Variants in AOAH observed in about 807,000 individuals in gnomAD.
AOAH encodes acyloxyacyl hydrolase (neutrophil).
AOAH carries 64 observed loss-of-function variants against 92.2 expected under a neutral mutation model. The ratio of observed to expected loss-of-function variants is 0.69; its 90% CI spans 0.57 to 0.86. The LOEUF (loss-of-function observed/expected upper bound fraction) is 0.86. Among genes scored for constraint, AOAH ranks in the 40% least tolerant of loss-of-function variants. AOAH has a pLI of 0.00. For synonymous variants in AOAH, 263 were observed against 254.5 expected (o/e 1.03, Z -0.32); for missense variants, 656 against 694.6 (o/e 0.94, Z 0.62).
At chr7:36,532,011 C>T (rs1784723088) in intron 18 of AOAH, 136 bp downstream of exon 18, 2 of 1,034,638 alleles carry the variant, frequency 1.9e-6, no homozygotes, top group African/African-American at 3.2e-5. Flanking sequence ...CCTCAAGCAC[C>T]TGGAAGGTTT....
chr7:36,669,374 C>A (rs571418724), intron 3 of AOAH, among the ~76,000 whole-genome samples: 5 of 142,340 alleles, frequency 3.5e-5, no homozygotes, highest in East Asian at 2.2e-4. Context: ...ATTCCCCCCC[C>A]ACCTTTTTTT....
intron 11 of AOAH, among the ~76,000 whole-genome samples, chr7:36,602,408 T>C (rs1790678324): frequency 6.6e-6 from 1 of 152,074 alleles, no homozygotes; most frequent in Non-Finnish European, 1.5e-5. Flanking sequence ...CATTGTACAG[T>C]TAAACTCTTT....
chr7:36,555,894 G>A (rs1157546948), intron 13 of AOAH, among the ~76,000 whole-genome samples: 1 of 151,888 alleles, frequency 6.6e-6, no homozygotes, highest in African/African-American at 2.4e-5. Context: ...TATTAGTCTT[G>A]CTAGCGGTCT....
chr7:36,669,571 T>C (rs1168790592), intron 3 of AOAH, among the ~76,000 whole-genome samples: 2 of 151,870 alleles, frequency 1.3e-5, no homozygotes, highest in East Asian at 1.9e-4. Context: ...TTAGTAAAGA[T>C]GGGGTTTCAC....
intron 9 of AOAH, among the ~76,000 whole-genome samples, chr7:36,619,506 C>T (rs982880193): frequency 6.6e-6 from 1 of 152,166 alleles, no homozygotes; most frequent in Non-Finnish European, 1.5e-5. Flanking sequence ...CTCCTTTGTC[C>T]TCCAACATGA....
chr7:36,717,835 G>A (rs1199878401), intron 1 of AOAH, among the ~76,000 whole-genome samples: 2 of 148,908 alleles, frequency 1.3e-5, no homozygotes, highest in African/African-American at 4.9e-5. Context: ...TGGTGTCTGG[G>A]AAATAAGACA....
intron 4 of AOAH, among the ~76,000 whole-genome samples, chr7:36,644,540 A>G (rs2116382370): frequency 6.6e-6 from 1 of 152,338 alleles, no homozygotes; most frequent in East Asian, 1.9e-4. Flanking sequence ...CGAAGACCGT[A>G]GCGAACAGAG....
intron 15 of AOAH, among the ~76,000 whole-genome samples, chr7:36,544,655 A>C (rs964894254): frequency 3.3e-5 from 5 of 152,178 alleles, no homozygotes; most frequent in African/African-American, 1.2e-4. Flanking sequence ...GCTCTCACAC[A>C]TGTCAGAAAC....
At chr7:36,520,063 A>C (rs1277484273) in intron 20 of AOAH, among the ~76,000 whole-genome samples, 1 of 152,236 alleles carries the variant, frequency 6.6e-6, no homozygotes, top group Non-Finnish European at 1.5e-5. Flanking sequence ...CAGCATGTGA[A>C]CAAGTCTTGC....
At chr7:36,660,371 A>G (rs1795145751) in intron 3 of AOAH, among the ~76,000 whole-genome samples, 2 of 152,158 alleles carry the variant, frequency 1.3e-5, no homozygotes, top group African/African-American at 2.4e-5. Context: ...GCTGGAGTGC[A>G]GTGGAATAAT....
intron 20 of AOAH, among the ~76,000 whole-genome samples, chr7:36,520,845 G>T (rs1784072105): frequency 1.3e-5 from 2 of 152,226 alleles, no homozygotes; most frequent in South Asian, 4.2e-4. Context: ...TCATCCAACT[G>T]ATACACAGGA....
chr7:36,555,570 C>T (rs967057849), intron 13 of AOAH, among the ~76,000 whole-genome samples: 6 of 151,968 alleles, frequency 3.9e-5, no homozygotes, highest in South Asian at 2.1e-4. Context: ...GTACCAGTTC[C>T]TCCTTGTACC....
At chr7:36,602,810 A>T (rs1182096491) in intron 11 of AOAH, among the ~76,000 whole-genome samples, 1 of 152,188 alleles carries the variant, frequency 6.6e-6, no homozygotes, top group Non-Finnish European at 1.5e-5. Flanking sequence ...ACAGAGGGGA[A>T]AGTGGAGAAG....
chr7:36,658,499 C>A (rs1045425031), intron 4 of AOAH, among the ~76,000 whole-genome samples: 9 of 152,232 alleles, frequency 5.9e-5, no homozygotes, highest in Non-Finnish European at 8.8e-5. Flanking sequence ...TTTGCAGCCT[C>A]CTCTCCGCAA....
At chr7:36,531,779 A>G (rs190586898) in intron 18 of AOAH, among the ~76,000 whole-genome samples, 199 of 152,316 alleles carry the variant, frequency 1.3e-3, no homozygotes, top group Non-Finnish European at 2.2e-3. Context: ...TGTCATGCAT[A>G]GGGGCCAACC....
At chr7:36,605,915 T>TGACA (rs1790966959) in intron 11 of AOAH, among the ~76,000 whole-genome samples, 1 of 152,246 alleles carries the variant, frequency 6.6e-6, no homozygotes, top group African/African-American at 2.4e-5. Context: ...TCTCTTTTTC[T>TGACA]GACAGAATCA....
At chr7:36,707,944 T>A (rs924543633) in intron 1 of AOAH, among the ~76,000 whole-genome samples, 1 of 151,924 alleles carries the variant, frequency 6.6e-6, no homozygotes, top group Admixed American at 6.6e-5. Flanking sequence ...TGGTTACATA[T>A]CACCACGCTG....
In AOAH at chr7:36,603,304, C is replaced by T. The variant is rs547640886; in HGVS notation, c.847-8874G>A. ...CACCCCCGTCAACAATCTGGGTCCC[C>T]TGAACCTACCCCTATCCCCGCAGAC... On this transcript the variant is annotated intron_variant, in intron 11 of 20. Coordinates refer to ENST00000617537, the MANE Select transcript of AOAH (RefSeq NM_001637.4). Among the ~76,000 whole-genome samples, 317 of 152,294 alleles carry T rather than the reference C, an allele frequency of 2.1e-3. 1 individual carries two copies. Among genetic ancestry groups the T allele is most frequent in the African/African-American group, 7.2e-3 (301 of 41,550 alleles).
intron 1 of AOAH, among the ~76,000 whole-genome samples, chr7:36,706,412 G>A (rs4723559): frequency 0.55 from 84,239 of 151,858 alleles, 23,657 homozygotes; most frequent in East Asian, 0.83. Flanking sequence ...CAAATTTGCC[G>A]TTATCCAAGT....
Sources: gnomAD v4.1 joint callset for allele counts (sites outside exome capture counted in the v4.1 genomes callset) on GRCh38, gnomAD v4.1.1 for gene constraint, MANE v1.5 for transcripts, NCBI Gene and HGNC (gene_info 2026-07-23, HGNC 2026-07-21) for gene names.